MARCHF10: variants seen among roughly 807,000 people sequenced by gnomAD.
MARCHF10 encodes the protein probable E3 ubiquitin-protein ligase MARCHF10.
A neutral mutation model predicts 76.2 loss-of-function variants in MARCHF10; 64 were observed. That is an observed-to-expected ratio of 0.84 (90% CI 0.69 to 1.03). MARCHF10 has a LOEUF of 1.03. Among genes scored for constraint, MARCHF10 ranks in the 50% least tolerant of loss-of-function variants. The probability of loss-of-function intolerance (pLI) is 0.00; values close to 1 mark genes in which losing one functional copy is unlikely to be tolerated. For synonymous variants in MARCHF10, 340 were observed against 357.5 expected, an observed-to-expected ratio of 0.95 and a Z score of 0.55; for missense variants, 875 against 958.0, an observed-to-expected ratio of 0.91 and a Z score of 1.14.
chr17:62,702,971 G>A (rs1423642918), intron 10 of MARCHF10, among the ~76,000 whole-genome samples: 2 of 152,174 alleles, frequency 1.3e-5, no homozygotes, highest in Non-Finnish European at 2.9e-5. Context: ...TTGCATATCT[G>A]CAGGAGGTAT....
chr17:62,707,247 C>T (rs1252132343), intron 9 of MARCHF10, among the ~76,000 whole-genome samples: 3 of 152,342 alleles, frequency 2.0e-5, no homozygotes, highest in South Asian at 2.1e-4. Flanking sequence ...GAGCCGCTCA[C>T]AAACCCTTCC....
Position 62,742,007 on chromosome 17 carries a change from T to C in MARCHF10, c.535+2369A>G, listed in dbSNP as rs536448559. On this transcript the variant is annotated intron_variant, in intron 5 of 10. Transcript: ENST00000311269. ...GCCACCGCGCCCAGCCTGGAAACTG[T>C]TTTTTTTTCTTTTTTTCTTTTTTTT... 4.3e-5 allele frequency among the ~76,000 whole-genome samples: 5 copies of C among 116,018 alleles called. No individual in the cohort carries two copies. The East Asian group carries it at 1.4e-3, about 32-fold the overall frequency. 76.1% of individuals were successfully genotyped at this position (116,018 alleles called of 152,430 possible).
At chr17:62,796,851 G>A (rs193163709) in intron 2 of MARCHF10, among the ~76,000 whole-genome samples, 286 of 152,208 alleles carry the variant, frequency 1.9e-3, no homozygotes, top group Non-Finnish European at 3.0e-3. Context: ...AATGTAGCTG[G>A]GTGTGGTAGC....
At chr17:62,709,862 G>A (rs747445307) in intron 9 of MARCHF10, among the ~76,000 whole-genome samples, 24 of 152,082 alleles carry the variant, frequency 1.6e-4, no homozygotes, top group Non-Finnish European at 2.9e-4. Context: ...CAACGGCACC[G>A]GGCCTGGGTG....
chr17:62,709,514 G>T (rs2147582829), intron 9 of MARCHF10, among the ~76,000 whole-genome samples: 1 of 152,038 alleles, frequency 6.6e-6, no homozygotes, highest in Non-Finnish European at 1.5e-5. Context: ...AAAAAACGAG[G>T]CATCCATCAC....
intron 8 of MARCHF10, among the ~76,000 whole-genome samples, chr17:62,722,277 CAAAAAAAA>C (rs57370093): frequency 1.3e-5 from 1 of 78,962 alleles, no homozygotes; most frequent in African/African-American, 4.6e-5. Flanking sequence ...GACTCTGTCT[CAAAAAAAA>C]AAAAAAAAAA....
intron 4 of MARCHF10, among the ~76,000 whole-genome samples, chr17:62,749,566 C>T (rs1391536283): frequency 3.3e-5 from 5 of 152,084 alleles, no homozygotes; most frequent in Admixed American, 1.3e-4. Flanking sequence ...AATAATAGGT[C>T]GCGTCTATTT....
intron 8 of MARCHF10, among the ~76,000 whole-genome samples, chr17:62,721,275 T>C (rs1421455164): frequency 9.2e-5 from 14 of 152,190 alleles, no homozygotes; most frequent in Non-Finnish European, 1.9e-4. Context: ...TAAAACGAAG[T>C]GACAACTTCA....
Position 62,736,715 on chromosome 17 carries a change from C to G in MARCHF10, c.1153G>C (p.Ala385Pro), listed in dbSNP as rs761239850. 2 of 1,614,158 alleles carry G rather than the reference C, an allele frequency of 1.2e-6. No homozygotes were observed. Among genetic ancestry groups the G allele is most frequent in the Non-Finnish European group, 1.7e-6 (2 of 1,180,026 alleles). The change falls in exon 6 of 11, where the codon GCT (alanine) becomes CCT (proline). Residue 385 changes from alanine (A) to proline (P), a missense_variant. Ala to Pro is a conservative substitution (Grantham distance 27, BLOSUM62 -1). Coordinates refer to ENST00000311269, the MANE Select transcript of MARCHF10 (RefSeq NM_152598.4). ...QDPGLPDRES[A>P]TEKDRGGSEN... ...CTGCCACCTCTGTCCTTCTCTGTAG[C>G]AGATTCCCTATCAGGCAGCCCGGGG... is the stretch of plus-strand genomic sequence containing the variant.
chr17:62,763,130 A>G (rs1004931993), intron 3 of MARCHF10, among the ~76,000 whole-genome samples: 28 of 152,246 alleles, frequency 1.8e-4, no homozygotes, highest in Admixed American at 1.8e-3. Flanking sequence ...ACAGCACCAT[A>G]TACATGTAAC....
intron 3 of MARCHF10, among the ~76,000 whole-genome samples, 181 bp downstream of exon 3, chr17:62,788,299 C>T (rs2092778841): frequency 6.6e-6 from 1 of 152,154 alleles, no homozygotes; most frequent in Non-Finnish European, 1.5e-5. Context: ...GGTGGTGTCC[C>T]CAGGAAGGGA....
At chr17:62,718,436 T>C (rs955747290) in intron 8 of MARCHF10, among the ~76,000 whole-genome samples, 1 of 152,168 alleles carries the variant, frequency 6.6e-6, no homozygotes, top group Non-Finnish European at 1.5e-5. Flanking sequence ...GGGAGAACCA[T>C]GTGGAAAGGC....
intron 3 of MARCHF10, among the ~76,000 whole-genome samples, chr17:62,764,425 A>G (rs1168860880): frequency 3.3e-5 from 5 of 152,226 alleles, no homozygotes; most frequent in Non-Finnish European, 7.3e-5. Flanking sequence ...AGTGCAGGGC[A>G]CAGCTTGCTG....
At chr17:62,727,567 T>G (rs2090822978) in intron 6 of MARCHF10, among the ~76,000 whole-genome samples, 1 of 152,152 alleles carries the variant, frequency 6.6e-6, no homozygotes. Context: ...GTGCACATAC[T>G]GTTTTATAGA....
At chr17:62,740,399 T>G (rs2091463254) in intron 5 of MARCHF10, among the ~76,000 whole-genome samples, 1 of 152,208 alleles carries the variant, frequency 6.6e-6, no homozygotes, top group Non-Finnish European at 1.5e-5. Flanking sequence ...CTTCTTGGTG[T>G]GCTTGACCAA....
At chr17:62,708,766 T>C (rs985253055) in intron 9 of MARCHF10, among the ~76,000 whole-genome samples, 3 of 152,174 alleles carry the variant, frequency 2.0e-5, no homozygotes, top group Admixed American at 1.3e-4. Context: ...CTGGTATCCA[T>C]AGTGCCAGGG....
At chr17:62,774,440 A>G (rs1196054724) in intron 3 of MARCHF10, among the ~76,000 whole-genome samples, 1 of 152,174 alleles carries the variant, frequency 6.6e-6, no homozygotes, top group African/African-American at 2.4e-5. Flanking sequence ...AGAGGATGGT[A>G]GAATGAAACA....
chr17:62,705,032 G>A, intron 10 of MARCHF10: 2 of 994,780 alleles, frequency 2.0e-6, no homozygotes, highest in Non-Finnish European at 1.2e-6. Context: ...CCGCTTTGAG[G>A]GCCCTTTCTT....
At chr17:62,794,862 C>T (rs1015120042) in intron 2 of MARCHF10, among the ~76,000 whole-genome samples, 1 of 152,056 alleles carries the variant, frequency 6.6e-6, no homozygotes, top group African/African-American at 2.4e-5. Context: ...ACTTGCATAC[C>T]CCAGAGTCTG....
Sources: allele counts gnomAD v4.1 joint callset (sites outside exome capture counted in the v4.1 genomes callset), GRCh38; gene constraint gnomAD v4.1.1; transcripts MANE v1.5; gene names NCBI Gene and HGNC (gene_info 2026-07-23, HGNC 2026-07-21).